NLGN1: variants seen among roughly 807,000 people sequenced by gnomAD.
The protein encoded by NLGN1 is neuroligin-1.
Under a neutral mutation model 65.5 loss-of-function variants are expected in NLGN1, and 12 were observed. The ratio of observed to expected loss-of-function variants is 0.18; its 90% confidence interval spans 0.12 to 0.30. The LOEUF is 0.30. Ranked by LOEUF, NLGN1 falls within the 10% of genes least tolerant of loss-of-function variation. The pLI is 1.00. For missense variants in NLGN1, 750 were observed against 1,007.1 expected, an observed-to-expected ratio of 0.74 and a Z score of 3.46; for synonymous variants, 350 against 359.5, an observed-to-expected ratio of 0.97 and a Z score of 0.30.
intron 4 of NLGN1, among the ~76,000 whole-genome samples, chr3:174,121,095 T>C (rs1337706269): frequency 6.6e-6 from 1 of 152,200 alleles, no homozygotes; most frequent in African/African-American, 2.4e-5. Flanking sequence ...TCAACTTGAA[T>C]AATACCTTTA....
intron 4 of NLGN1, among the ~76,000 whole-genome samples, chr3:173,881,089 CTTT>C: frequency 9.2e-6 from 1 of 108,222 alleles, no homozygotes; most frequent in Non-Finnish European, 1.8e-5. Flanking sequence ...AGGCTCCCTC[CTTT>C]TTTTTTTTTT....
Position 174,279,491 on chromosome 3 carries a change from T to C in NLGN1, c.1490T>C (p.Val497Ala), listed in dbSNP as rs777777132. The C allele has an allele frequency of 3.7e-5, 60 of 1,613,048 alleles. No homozygotes were observed. In the Admixed American group the frequency reaches 6.9e-4, roughly 18 times the overall value. The stretch of plus-strand genomic sequence containing the variant: ...TACCATCATTGCCAAACAGATCAGG[T>C]TCCAGCTTGGGCTGATGCAGCCCAC... The change falls in exon 6 of 7, where the codon GTT (valine) becomes GCT (alanine). Residue 497 changes from valine to alanine, a missense_variant. Coordinates refer to ENST00000457714, the Ensembl canonical transcript of NLGN1. The surrounding 1 kb of genome is among the most constrained non-coding windows in gnomAD (Gnocchi z 4.7).
rs567965852 is a variant in NLGN1, at chr3:174,019,557, A to G, written c.646+211725A>G. ...CAACAGAAAACAGACTAAGACAAAC[A>G]TGATATCATATTTTGTTGCAAGTAA... On this transcript the variant is annotated intron_variant, in intron 4 of 6. Transcript: ENST00000457714. 5.9e-5 allele frequency among the ~76,000 whole-genome samples: 9 copies of G among 152,314 alleles called. 1 individual carries two copies. The East Asian group carries it at 1.7e-3, about 29-fold the overall frequency.
chr3:173,910,151 G>A (rs191158212), intron 4 of NLGN1, among the ~76,000 whole-genome samples: 4 of 152,310 alleles, frequency 2.6e-5, no homozygotes, highest in Non-Finnish European at 5.9e-5. Flanking sequence ...GTTGGTAGAA[G>A]TTTCAGAGGA....
At chr3:173,896,982 CCTCACTATAAACTACTCTTGTTT>C (rs1398135213) in intron 4 of NLGN1, among the ~76,000 whole-genome samples, 1 of 152,230 alleles carries the variant, frequency 6.6e-6, no homozygotes, top group East Asian at 1.9e-4. Flanking sequence ...TCCCTCAACA[CCTCACTATAAACTACTCTTGTTT>C]CTTATTCAAC....
chr3:174,120,689 C>T (rs991364301), intron 4 of NLGN1, among the ~76,000 whole-genome samples: 3 of 152,058 alleles, frequency 2.0e-5, no homozygotes, highest in Non-Finnish European at 4.4e-5. Flanking sequence ...CAAGATATGA[C>T]GTGGTCATAC....
intron 4 of NLGN1, among the ~76,000 whole-genome samples, chr3:174,233,675 A>G (rs747396991): frequency 4.6e-5 from 7 of 152,242 alleles, no homozygotes; most frequent in Non-Finnish European, 7.4e-5. Context: ...ACTGAGGTTA[A>G]TCAGAAGTCA....
At chr3:173,877,181 A>G (rs560161353) in intron 4 of NLGN1, among the ~76,000 whole-genome samples, 2 of 152,304 alleles carry the variant, frequency 1.3e-5, no homozygotes, top group African/African-American at 2.4e-5. Flanking sequence ...AAAGTGATCA[A>G]ATTTAATTAC....
intron 4 of NLGN1, among the ~76,000 whole-genome samples, chr3:174,146,138 T>TTCCC (rs1253418977): frequency 1.4e-5 from 2 of 146,844 alleles, no homozygotes; most frequent in Non-Finnish European, 2.9e-5. Context: ...CCTTCCTTCC[T>TTCCC]TCCTTCCTTC....
In NLGN1 at chr3:173,535,667, C is replaced by T. The variant is rs148991954; in HGVS notation, c.-320-68612C>T. Among the ~76,000 whole-genome samples, 206 of 152,244 alleles carry T rather than the reference C, an allele frequency of 1.4e-3. 2 individuals carry two copies. The highest frequency in any genetic ancestry group is 4.9e-3 in the African/African-American group (202 of 41,554). On this transcript the variant is annotated intron_variant, in intron 2 of 6. Transcript: ENST00000457714. ...ACAGTGACCATAAGATGTTGACTCA[C>T]TTTTGATGAACAAGACCCACTTTTA...
intron 4 of NLGN1, among the ~76,000 whole-genome samples, chr3:174,201,347 GAAGGAAGGAAGGAA>G (rs1734445573): frequency 5.0e-5 from 1 of 20,100 alleles, no homozygotes. Flanking sequence ...TGGGAGGAAT[GAAGGAAGGAAGGAA>G]GGAAGGAAGG....
intron 1 of NLGN1, among the ~76,000 whole-genome samples, chr3:173,413,036 A>C (rs1025336704): frequency 6.6e-6 from 1 of 152,126 alleles, no homozygotes; most frequent in African/African-American, 2.4e-5. Flanking sequence ...CTCCCTGGCG[A>C]TATTTATCCT....
chr3:174,026,155 G>T (rs923792975), intron 4 of NLGN1, among the ~76,000 whole-genome samples: 11 of 151,894 alleles, frequency 7.2e-5, no homozygotes, highest in Non-Finnish European at 1.5e-4. Flanking sequence ...TTGAGACAAG[G>T]TCTCTCTGTC....
At chr3:173,511,602 C>A (rs1486916408) in intron 2 of NLGN1, among the ~76,000 whole-genome samples, 1 of 152,172 alleles carries the variant, frequency 6.6e-6, no homozygotes, top group Non-Finnish European at 1.5e-5. Context: ...CCATCACATG[C>A]TTGTTAGACC....
chr3:173,812,492 C>T (rs565806787), intron 4 of NLGN1, among the ~76,000 whole-genome samples: 28 of 152,008 alleles, frequency 1.8e-4, no homozygotes, highest in African/African-American at 4.8e-4. Context: ...CTTTGGGAGG[C>T]TGAGGCAATA....
chr3:173,974,577 G>A (rs1717000653), intron 4 of NLGN1, among the ~76,000 whole-genome samples: 2 of 151,970 alleles, frequency 1.3e-5, no homozygotes, highest in South Asian at 4.1e-4. Context: ...GTGGGAAGAG[G>A]TAGAAAAGAT....
At chr3:173,689,527 C>T (rs1287282321) in intron 3 of NLGN1, among the ~76,000 whole-genome samples, 1 of 152,106 alleles carries the variant, frequency 6.6e-6, no homozygotes, top group African/African-American at 2.4e-5. Flanking sequence ...GCATTTGACC[C>T]CACAGTCTTT....
chr3:173,843,668 C>T (rs567153114), intron 4 of NLGN1, among the ~76,000 whole-genome samples: 1 of 152,278 alleles, frequency 6.6e-6, no homozygotes, highest in East Asian at 1.9e-4. Context: ...TTCCTCATTT[C>T]CATCTGAGAC....
intron 3 of NLGN1, among the ~76,000 whole-genome samples, chr3:173,639,853 T>A (rs1357391763): frequency 6.6e-6 from 1 of 151,838 alleles, no homozygotes; most frequent in East Asian, 1.9e-4. Context: ...GTTTGTGGAG[T>A]CTTCTTCCTT....
Sources: gnomAD v4.1 joint callset for allele counts (sites outside exome capture counted in the v4.1 genomes callset) on GRCh38, gnomAD v4.1.1 for gene constraint, Gnocchi (gnomAD v3.1) non-coding constraint, MANE v1.5 for transcripts, NCBI Gene and HGNC (gene_info 2026-07-23, HGNC 2026-07-21) for gene names.